Variants in PTPRD observed in about 807,000 individuals in gnomAD.
The protein encoded by PTPRD is receptor-type tyrosine-protein phosphatase delta.
PTPRD carries 34 observed loss-of-function variants against 214.5 expected under a neutral mutation model. The observed-to-expected ratio is 0.16, with a 90% confidence interval of 0.12 to 0.21. The LOEUF is 0.21. Among genes scored for constraint, PTPRD ranks in the 10% least tolerant of loss-of-function variants. The pLI is 1.00. For missense variants in PTPRD, 2,545 were observed against 2,398.7 expected (o/e 1.06, Z -1.27); for synonymous variants, 1,128 against 845.7 (o/e 1.33, Z -5.79).
chr9:9,170,712 G>A (rs578168463), intron 10 of PTPRD, among the ~76,000 whole-genome samples: 4 of 152,260 alleles, frequency 2.6e-5, no homozygotes, highest in African/African-American at 9.6e-5. Context: ...TTGACAAAAA[G>A]GAATGCACTA....
At chr9:9,621,118 C>G (rs1409425568) in intron 7 of PTPRD, among the ~76,000 whole-genome samples, 1 of 152,148 alleles carries the variant, frequency 6.6e-6, no homozygotes, top group African/African-American at 2.4e-5. Context: ...TACTCACTGA[C>G]CAGGCTGTAA....
chr9:10,287,441 T>C (rs967488833), intron 3 of PTPRD, among the ~76,000 whole-genome samples: 2 of 152,198 alleles, frequency 1.3e-5, no homozygotes, highest in African/African-American at 4.8e-5. Flanking sequence ...AGTCCCCGCA[T>C]GGAGACTGTT....
chr9:9,119,114 C>T (rs943231977), intron 10 of PTPRD, among the ~76,000 whole-genome samples: 3 of 152,124 alleles, frequency 2.0e-5, no homozygotes, highest in African/African-American at 7.2e-5. Flanking sequence ...CTTGTATGTT[C>T]TTTAGTATGT....
chr9:10,222,599 T>C (rs934555578), intron 3 of PTPRD, among the ~76,000 whole-genome samples: 3 of 152,058 alleles, frequency 2.0e-5, no homozygotes, highest in African/African-American at 7.2e-5. Flanking sequence ...CTTACCAATA[T>C]TGTATAAATA....
chr9:9,238,501 C>T (rs904406992), intron 9 of PTPRD, among the ~76,000 whole-genome samples: 10 of 152,052 alleles, frequency 6.6e-5, no homozygotes, highest in Admixed American at 3.9e-4. Context: ...GCATCTGATT[C>T]GGTCAGAGAG....
chr9:10,551,221 C>T (rs147721993), intron 2 of PTPRD, among the ~76,000 whole-genome samples: 14 of 152,224 alleles, frequency 9.2e-5, no homozygotes, highest in Admixed American at 6.5e-4. Flanking sequence ...CACTTGTAGT[C>T]CCAGCTACTT....
chr9:10,425,462 T>C (rs1025937188), intron 2 of PTPRD, among the ~76,000 whole-genome samples: 3 of 151,912 alleles, frequency 2.0e-5, no homozygotes, highest in Non-Finnish European at 2.9e-5. Context: ...CTGTGCTCTA[T>C]TTATCATCAG....
At chr9:9,929,357 G>T (rs2085532907) in intron 5 of PTPRD, among the ~76,000 whole-genome samples, 2 of 152,124 alleles carry the variant, frequency 1.3e-5, no homozygotes, top group Non-Finnish European at 2.9e-5. Flanking sequence ...GGAGTATTTT[G>T]CTTTTTGAAA....
intron 37 of PTPRD, 68 bp downstream of exon 37, chr9:8,389,164 T>C (rs2088476559): frequency 7.2e-7 from 1 of 1,388,180 alleles, no homozygotes. Context: ...CTGAACAGAA[T>C]AAAATATGCA....
rs1592844430 is a variant in PTPRD at position 8,528,493 on chromosome 9, C to T, written c.541+98G>A. On this transcript the variant is annotated intron_variant, in intron 15 of 45. Coordinates refer to ENST00000381196, the MANE Select transcript of PTPRD (RefSeq NM_002839.4). ...AGAGAAGAGGGAGAAAAATCAGTACCTAGAAATAAAAAATAAATTAAAATT... is the reference window on the plus strand; with the variant it reads ...AGAGAAGAGGGAGAAAAATCAGTACTTAGAAATAAAAAATAAATTAAAATT... The T allele has an allele frequency of 4.5e-6, 5 of 1,109,404 alleles. No individual in the cohort carries two copies. In the East Asian group the frequency reaches 7.9e-5, roughly 17 times the overall value. The allele number at this position is 1,109,404 out of a possible 1,614,324, so 68.7% of individuals were successfully genotyped here.
intron 10 of PTPRD, among the ~76,000 whole-genome samples, chr9:9,162,858 C>G (rs117138341): frequency 2.6e-5 from 4 of 152,048 alleles, no homozygotes; most frequent in Admixed American, 2.6e-4. Context: ...ACCCTGCTTT[C>G]ACACAGGTTA....
chr9:9,198,719 A>T (rs1343263610), intron 9 of PTPRD, among the ~76,000 whole-genome samples: 1 of 152,226 alleles, frequency 6.6e-6, no homozygotes, highest in East Asian at 1.9e-4. Context: ...TGAAGTGGAT[A>T]GATGCCTTAT....
chr9:9,396,011 C>G (rs1316722605), intron 9 of PTPRD, among the ~76,000 whole-genome samples: 1 of 151,922 alleles, frequency 6.6e-6, no homozygotes, highest in Non-Finnish European at 1.5e-5. Flanking sequence ...AATTACTTGA[C>G]TGAAAGAGAC....
chr9:9,187,743 A>T (rs1308949021), intron 9 of PTPRD, among the ~76,000 whole-genome samples: 4 of 151,940 alleles, frequency 2.6e-5, no homozygotes, highest in Non-Finnish European at 2.9e-5. Context: ...ATAAAATGGC[A>T]AATAAATTGT....
chr9:10,339,968 T>C (rs1360501395), intron 3 of PTPRD, among the ~76,000 whole-genome samples: 1 of 151,830 alleles, frequency 6.6e-6, no homozygotes, highest in Admixed American at 6.6e-5. Context: ...TGATTTAGCA[T>C]ATGCCATATT....
intron 11 of PTPRD, among the ~76,000 whole-genome samples, chr9:8,787,475 T>G (rs1490664771): frequency 6.6e-6 from 1 of 152,190 alleles, no homozygotes; most frequent in African/African-American, 2.4e-5. Context: ...CATGTATAAT[T>G]TGTGCCTTTT....
intron 8 of PTPRD, among the ~76,000 whole-genome samples, chr9:9,469,602 G>C (rs1052864211): frequency 6.6e-6 from 1 of 152,172 alleles, no homozygotes; most frequent in African/African-American, 2.4e-5. Context: ...GGCCTATTGA[G>C]TGCTGGCAAC....
At position 9,713,112 on chromosome 9, in the gene PTPRD, T is replaced by C. The variant is rs184361708; in HGVS notation, c.-287+21421A>G. 6.8e-5 allele frequency among the ~76,000 whole-genome samples: 10 copies of C among 146,754 alleles called. No individual in the cohort carries two copies. In the East Asian group the frequency reaches 9.7e-4, roughly 14 times the overall value. ...ATTATTCTACTTGGCAAATGGCCTA[T>C]TGCACTGATATCCACCTTTGGTTTT... On this transcript the variant is annotated intron_variant, in intron 7 of 45. Coordinates refer to ENST00000381196, the MANE Select transcript of PTPRD (RefSeq NM_002839.4).
chr9:9,832,350 G>C (rs775375507), intron 5 of PTPRD, among the ~76,000 whole-genome samples: 2 of 151,902 alleles, frequency 1.3e-5, no homozygotes, highest in Non-Finnish European at 2.9e-5. Flanking sequence ...GATATCTGAA[G>C]ATATGTAACT....
Sources: allele counts gnomAD v4.1 joint callset (sites outside exome capture counted in the v4.1 genomes callset), GRCh38; gene constraint gnomAD v4.1.1; transcripts MANE v1.5; gene names NCBI Gene and HGNC (gene_info 2026-07-23, HGNC 2026-07-21).